The following GRIN3A variants were observed in gnomAD, a reference collection of about 807,000 sequenced individuals.
GRIN3A encodes glutamate ionotropic receptor NMDA type subunit 3A, also known as glutamate receptor ionotropic, NMDA 3A.
GRIN3A carries 47 observed loss-of-function variants against 92.4 expected under a neutral mutation model. That is an observed-to-expected ratio of 0.51 (90% confidence interval 0.40 to 0.65). The LOEUF (loss-of-function observed/expected upper bound fraction) is 0.65, where lower values mean the gene tolerates loss of function less well. Ranked by LOEUF, GRIN3A falls within the 30% of genes least tolerant of loss-of-function variation. GRIN3A has a pLI of 0.00. For missense variants in GRIN3A, 1,324 were observed against 1,393.1 expected (o/e 0.95, Z 0.79); for synonymous variants, 527 against 540.6 (o/e 0.97, Z 0.35).
chr9:101,572,956 A>T lies in GRIN3A; in HGVS notation c.*218T>A. 1 of 572,278 alleles carries T rather than the reference A, an allele frequency of 1.7e-6. No individual in the cohort carries two copies. The highest frequency in any genetic ancestry group is 3.1e-6 in the Non-Finnish European group (1 of 318,900). 35.5% of individuals were successfully genotyped at this position (572,278 alleles called of 1,614,324 possible). ...CGCACAGAGCTTACTCCTGACTAAG[A>T]TTCTTGCTAGAAAAACACTCCTACC... On this transcript the variant is annotated 3_prime_UTR_variant, in exon 9 of 9. Transcript: ENST00000361820.
chr9:101,710,652 C>A (rs527690666), intron 1 of GRIN3A, among the ~76,000 whole-genome samples: 168 of 152,260 alleles, frequency 1.1e-3, no homozygotes, highest in African/African-American at 3.9e-3. Context: ...AAGGGAGGGA[C>A]GACTGAGAAA....
At chr9:101,578,180 T>C (rs559490799) in intron 7 of GRIN3A, among the ~76,000 whole-genome samples, 5 of 152,132 alleles carry the variant, frequency 3.3e-5, no homozygotes, top group African/African-American at 4.8e-5. Flanking sequence ...AAAAAGTATA[T>C]AATTAATTGA....
At chr9:101,606,636 T>G (rs1053659751) in intron 6 of GRIN3A, among the ~76,000 whole-genome samples, 3 of 151,898 alleles carry the variant, frequency 2.0e-5, no homozygotes, top group Admixed American at 6.6e-5. Flanking sequence ...ATCATTGGAG[T>G]GTTCTATCTG....
chr9:101,672,651 A>C (rs1829343368), intron 2 of GRIN3A, among the ~76,000 whole-genome samples: 1 of 152,186 alleles, frequency 6.6e-6, no homozygotes, highest in Non-Finnish European at 1.5e-5. Context: ...GACATAGAAA[A>C]ATCAGAAAGT....
At chr9:101,624,613 C>A (rs1310616534) in intron 4 of GRIN3A, among the ~76,000 whole-genome samples, 2 of 152,180 alleles carry the variant, frequency 1.3e-5, no homozygotes, top group Admixed American at 6.5e-5. Context: ...TTTTCTTAAT[C>A]CAGTCTATCG....
chr9:101,597,677 A>G (rs1475270128), intron 6 of GRIN3A, among the ~76,000 whole-genome samples: 2 of 152,246 alleles, frequency 1.3e-5, no homozygotes, highest in South Asian at 2.1e-4. Flanking sequence ...AAGTTGGTTT[A>G]GTGAGTTACA....
intron 2 of GRIN3A, among the ~76,000 whole-genome samples, chr9:101,672,300 C>T (rs1829338521): frequency 6.6e-6 from 1 of 152,110 alleles, no homozygotes; most frequent in Non-Finnish European, 1.5e-5. Flanking sequence ...TAACTTGGAA[C>T]AAATATTCCA....
intron 1 of GRIN3A, among the ~76,000 whole-genome samples, chr9:101,720,530 C>G (rs1308650134): frequency 6.6e-6 from 1 of 152,134 alleles, no homozygotes; most frequent in Non-Finnish European, 1.5e-5. Context: ...TGTTTAGTGT[C>G]TATAGAATTA....
chr9:101,730,897 C>G (rs572343680), intron 1 of GRIN3A, among the ~76,000 whole-genome samples: 1 of 152,040 alleles, frequency 6.6e-6, no homozygotes. Flanking sequence ...AAAATAGATG[C>G]ATGAATAGAG....
chr9:101,721,711 A>G (rs1224092048), intron 1 of GRIN3A, among the ~76,000 whole-genome samples: 3 of 152,204 alleles, frequency 2.0e-5, no homozygotes, highest in Non-Finnish European at 2.9e-5. Context: ...GTTTCAGCAA[A>G]GAGACTGGAG....
chr9:101,696,838 C>G (rs936612936), intron 1 of GRIN3A, among the ~76,000 whole-genome samples: 61 of 152,152 alleles, frequency 4.0e-4, no homozygotes, highest in Admixed American at 3.9e-3. Flanking sequence ...CAGCTAAACG[C>G]TGATTATTTT....
chr9:101,612,431 C>A (rs558812779), intron 6 of GRIN3A, among the ~76,000 whole-genome samples: 2 of 152,252 alleles, frequency 1.3e-5, no homozygotes, highest in South Asian at 4.1e-4. Context: ...CAGCTTTTGA[C>A]AACTTAAATT....
intron 6 of GRIN3A, among the ~76,000 whole-genome samples, chr9:101,581,322 GTGT>G (rs1480463262): frequency 1.8e-4 from 27 of 152,184 alleles, no homozygotes; most frequent in African/African-American, 5.6e-4. Context: ...CAGTGGTATA[GTGT>G]TGTGAAACTG....
chr9:101,575,778 G>C (rs1827818266), intron 8 of GRIN3A, among the ~76,000 whole-genome samples: 1 of 152,200 alleles, frequency 6.6e-6, no homozygotes, highest in Non-Finnish European at 1.5e-5. Flanking sequence ...ACTTCCAAGA[G>C]AAGAGAGGGA....
intron 1 of GRIN3A, among the ~76,000 whole-genome samples, chr9:101,713,917 A>G (rs1473754650): frequency 6.6e-6 from 1 of 152,110 alleles, no homozygotes; most frequent in Non-Finnish European, 1.5e-5. Flanking sequence ...TCTCTACAAA[A>G]CAAAAATAAA....
intron 3 of GRIN3A, among the ~76,000 whole-genome samples, chr9:101,664,657 A>G (rs1829215956): frequency 6.6e-6 from 1 of 151,948 alleles, no homozygotes; most frequent in Non-Finnish European, 1.5e-5. Flanking sequence ...CTGCTGCAAC[A>G]TGCAGTGAAT....
At chr9:101,674,258 A>C (rs997095689) in intron 2 of GRIN3A, among the ~76,000 whole-genome samples, 1 of 152,036 alleles carries the variant, frequency 6.6e-6, no homozygotes. Context: ...TTAATTTTAC[A>C]ATGATTTTTT....
intron 1 of GRIN3A, among the ~76,000 whole-genome samples, chr9:101,715,566 A>G (rs905921617): frequency 6.6e-6 from 1 of 152,212 alleles, no homozygotes; most frequent in African/African-American, 2.4e-5. Flanking sequence ...TCTTTTCTAA[A>G]GTTTCACATT....
At chr9:101,621,690 C>G (rs578234080) in intron 5 of GRIN3A, among the ~76,000 whole-genome samples, 1 of 152,116 alleles carries the variant, frequency 6.6e-6, no homozygotes, top group Admixed American at 6.6e-5. Flanking sequence ...GAGTTAATTG[C>G]GTGGCATCTG....
Sources: allele counts gnomAD v4.1 joint callset (sites outside exome capture counted in the v4.1 genomes callset), GRCh38; gene constraint gnomAD v4.1.1; transcripts MANE v1.5; gene names NCBI Gene and HGNC (gene_info 2026-07-23, HGNC 2026-07-21).